Variants in GLRA2 observed in about 807,000 individuals in gnomAD.
GLRA2 encodes the protein glycine receptor subunit alpha-2.
Under a neutral mutation model 31.6 loss-of-function variants are expected in GLRA2, and 11 were observed. The observed-to-expected ratio is 0.35, with a 90% CI of 0.22 to 0.58. The LOEUF is 0.58. Ranked by LOEUF, GLRA2 falls within the 20% of genes least tolerant of loss-of-function variation. The pLI, the probability that GLRA2 is intolerant of heterozygous loss-of-function variation, is 0.84. For synonymous variants in GLRA2, 132 were observed against 134.0 expected (o/e 0.99, Z 0.10); for missense variants, 212 against 351.8 (o/e 0.60, Z 3.18).
intron 7 of GLRA2, among the ~76,000 whole-genome samples, chrX:14,648,307 T>G (rs1323731910): frequency 1.8e-5 from 2 of 111,631 alleles, no homozygotes; most frequent in Non-Finnish European, 3.8e-5. Flanking sequence ...ACATATGATA[T>G]TATGAAAATA....
chrX:14,655,853 G>T (rs1230942575), intron 7 of GLRA2, among the ~76,000 whole-genome samples: 1 of 111,743 alleles, frequency 8.9e-6, no homozygotes, highest in Non-Finnish European at 1.9e-5. Context: ...TAAGTATGGG[G>T]TCTTTGCCAT....
At chrX:14,469,186 A>T in the GLRA2 span, among the ~76,000 whole-genome samples, 1 of 111,002 alleles carries the variant, frequency 9.0e-6, no homozygotes, top group Non-Finnish European at 1.9e-5. Flanking sequence ...CCCATTTGTC[A>T]ATTTTGGCTT....
intron 8 of GLRA2, among the ~76,000 whole-genome samples, chrX:14,701,847 T>C (rs2091546027): frequency 8.9e-6 from 1 of 112,549 alleles, no homozygotes; most frequent in Non-Finnish European, 1.9e-5. Context: ...AATGTTTAAA[T>C]GAGAAAGAAA....
chrX:14,591,143 A>G (rs764883300), intron 4 of GLRA2, among the ~76,000 whole-genome samples: 1 of 112,361 alleles, frequency 8.9e-6, no homozygotes, highest in East Asian at 2.8e-4. Flanking sequence ...ATTGGTTCAG[A>G]CACAACAGAG....
chrX:14,476,886 A>G, the GLRA2 span, among the ~76,000 whole-genome samples: 1 of 112,264 alleles, frequency 8.9e-6, no homozygotes, highest in Admixed American at 9.5e-5. Flanking sequence ...CAAGAACCTC[A>G]TAGTTTGTCT....
intron 8 of GLRA2, among the ~76,000 whole-genome samples, chrX:14,719,313 A>G (rs967722334): frequency 4.5e-5 from 5 of 112,050 alleles, no homozygotes; most frequent in Admixed American, 1.9e-4. Context: ...CCAATAAGGG[A>G]TCAATATCAA....
upstream of GLRA2, among the ~76,000 whole-genome samples, chrX:14,529,079 C>T (rs1351034384): frequency 9.0e-6 from 1 of 111,454 alleles, no homozygotes; most frequent in Non-Finnish European, 1.9e-5. Flanking sequence ...AGGAAATGTT[C>T]CCTTCTCTTC....
intron 7 of GLRA2, among the ~76,000 whole-genome samples, chrX:14,688,083 C>G (rs2091299867): frequency 8.9e-6 from 1 of 112,022 alleles, no homozygotes; most frequent in Non-Finnish European, 1.9e-5. Flanking sequence ...TCCTGTTTGC[C>G]TGGGTATCAG....
chrX:14,547,970 A>G (rs371134680), intron 2 of GLRA2, among the ~76,000 whole-genome samples: 2 of 112,240 alleles, frequency 1.8e-5, no homozygotes, highest in South Asian at 3.7e-4. Flanking sequence ...GTAAATTTAA[A>G]AATTGATAAC....
chrX:14,648,378 C>A (rs1347816594), intron 7 of GLRA2, among the ~76,000 whole-genome samples: 1 of 111,565 alleles, frequency 9.0e-6, no homozygotes, highest in Non-Finnish European at 1.9e-5. Context: ...TGAAATAAAT[C>A]TTGAATAAAC....
At chrX:14,521,405 A>G in the GLRA2 span, among the ~76,000 whole-genome samples, 1 of 111,813 alleles carries the variant, frequency 8.9e-6, no homozygotes, top group East Asian at 2.8e-4. Flanking sequence ...TTCTCCTTTC[A>G]TTGAACATCA....
rs189716860 is a variant in GLRA2, at chrX:14,547,619, C to T, written c.202+15247C>T. Among the ~76,000 whole-genome samples, 8 of 111,461 alleles carry T rather than the reference C, an allele frequency of 7.2e-5. No homozygotes were observed. The East Asian group carries it at 2.3e-3, about 32-fold the overall frequency. On this transcript the variant is annotated intron_variant, in intron 2 of 8. Transcript: ENST00000218075. Reference sequence around the variant, plus strand: ...CTTCATTCCACATCTCAAGCCACACCTTCCCACTCTATGTTCCAGCCTCGA... The same window carrying T: ...CTTCATTCCACATCTCAAGCCACACTTTCCCACTCTATGTTCCAGCCTCGA...
the GLRA2 span, among the ~76,000 whole-genome samples, chrX:14,469,059 A>G: frequency 9.0e-6 from 1 of 111,579 alleles, no homozygotes; most frequent in Non-Finnish European, 1.9e-5. Context: ...TAGATTCTGG[A>G]TATCAGCCCT....
intron 8 of GLRA2, among the ~76,000 whole-genome samples, chrX:14,692,044 A>G (rs746253643): frequency 8.9e-6 from 1 of 111,970 alleles, no homozygotes; most frequent in Non-Finnish European, 1.9e-5. Flanking sequence ...GACATTGCTT[A>G]TATTGAGGAG....
At chrX:14,505,274 A>C in the GLRA2 span, among the ~76,000 whole-genome samples, 1 of 112,084 alleles carries the variant, frequency 8.9e-6, no homozygotes, top group East Asian at 2.8e-4. Context: ...TTCCGAAACA[A>C]ATACAGAGCT....
At chrX:14,707,971 T>C (rs1003178853) in intron 8 of GLRA2, among the ~76,000 whole-genome samples, 2 of 111,009 alleles carry the variant, frequency 1.8e-5, no homozygotes, top group Admixed American at 1.9e-4. Context: ...CAGTTTCTTT[T>C]TTTTCCTTCC....
At chrX:14,660,757 A>G in intron 7 of GLRA2, among the ~76,000 whole-genome samples, 2 of 111,929 alleles carry the variant, frequency 1.8e-5, no homozygotes, top group Middle Eastern at 4.6e-3. Flanking sequence ...AAATGAAATA[A>G]AGTAGTTAAA....
Position 14,552,600 on chromosome X carries a change from G to A in GLRA2, c.202+20228G>A, listed in dbSNP as rs3027333. ...TTATGGTGGCCTAGGCAGGCTAATC[G>A]TGTCTGCGTTTGCAAATATACAGGT... On this transcript the variant is annotated intron_variant, in intron 2 of 8. Coordinates refer to ENST00000218075, the MANE Select transcript of GLRA2 (RefSeq NM_002063.4). 8.5e-3 allele frequency among the ~76,000 whole-genome samples: 949 copies of A among 112,049 alleles called. 4 individuals carry two copies. The highest frequency in any genetic ancestry group is 0.012 in the Non-Finnish European group (645 of 53,203).
At chrX:14,529,075 T>C (rs768732978), upstream of GLRA2, among the ~76,000 whole-genome samples, 1 of 111,522 alleles carries the variant, frequency 9.0e-6, no homozygotes, top group East Asian at 2.8e-4. Flanking sequence ...GCCAAGGAAA[T>C]GTTCCCTTCT....
Sources: allele counts gnomAD v4.1 joint callset (sites outside exome capture counted in the v4.1 genomes callset), GRCh38; gene constraint gnomAD v4.1.1; transcripts MANE v1.5; gene names NCBI Gene and HGNC (gene_info 2026-07-23, HGNC 2026-07-21).